Variants in ZNF385D observed in about 807,000 individuals in gnomAD.
ZNF385D encodes zinc finger protein 385D.
In ZNF385D, 15 loss-of-function variants were observed where a neutral mutation model predicts 35.8. That is an observed-to-expected ratio of 0.42 (90% CI 0.28 to 0.64). The LOEUF (loss-of-function observed/expected upper bound fraction) is 0.64. Among genes scored for constraint, ZNF385D ranks in the 30% least tolerant of loss-of-function variants. ZNF385D has a pLI of 0.23. For missense variants in ZNF385D, 474 were observed against 494.6 expected, an observed-to-expected ratio of 0.96 and a Z score of 0.39; for synonymous variants, 212 against 186.8, an observed-to-expected ratio of 1.13 and a Z score of -1.10.
intron 1 of ZNF385D, among the ~76,000 whole-genome samples, chr3:21,709,096 T>C (rs568101477): frequency 1.3e-5 from 2 of 152,278 alleles, no homozygotes; most frequent in Admixed American, 1.3e-4. Context: ...TTTCTTAAAA[T>C]AAAATGCACA....
At chr3:21,506,015 C>A (rs1410009948) in intron 4 of ZNF385D, among the ~76,000 whole-genome samples, 1 of 152,118 alleles carries the variant, frequency 6.6e-6, no homozygotes, top group East Asian at 1.9e-4. Context: ...GGATGGCCAC[C>A]CTGCAGGCTG....
intron 3 of ZNF385D, among the ~76,000 whole-genome samples, chr3:22,069,149 C>T (rs1418443396): frequency 6.6e-6 from 1 of 152,322 alleles, no homozygotes; most frequent in South Asian, 2.1e-4. Flanking sequence ...TAGATTCTCT[C>T]CCAACTAACT....
chr3:22,011,554 T>C (rs1426910543), intron 3 of ZNF385D, among the ~76,000 whole-genome samples: 3 of 152,074 alleles, frequency 2.0e-5, no homozygotes, highest in Non-Finnish European at 4.4e-5. Context: ...CCTTAGAAAT[T>C]TTTCATTTTG....
At chr3:22,347,788 C>T (rs73140289) in intron 2 of ZNF385D, among the ~76,000 whole-genome samples, 7,774 of 152,114 alleles carry the variant, frequency 0.051, 639 homozygotes, top group African/African-American at 0.18. Context: ...CACATTTATA[C>T]AGAACTATAT....
chr3:21,687,982 G>A (rs1268760451), intron 1 of ZNF385D, among the ~76,000 whole-genome samples: 1 of 151,946 alleles, frequency 6.6e-6, no homozygotes, highest in Non-Finnish European at 1.5e-5. Flanking sequence ...GCAAGCTCGA[G>A]CTCCTAAGCT....
chr3:21,666,411 T>TC (rs1318208824), intron 1 of ZNF385D, among the ~76,000 whole-genome samples: 1 of 152,050 alleles, frequency 6.6e-6, no homozygotes, highest in African/African-American at 2.4e-5. Flanking sequence ...AACAGTATTT[T>TC]CCCCCACTGT....
At chr3:21,992,291 G>A (rs1168741155) in intron 3 of ZNF385D, among the ~76,000 whole-genome samples, 2 of 151,958 alleles carry the variant, frequency 1.3e-5, no homozygotes, top group Non-Finnish European at 1.5e-5. Flanking sequence ...GTATCTGAAA[G>A]CCTTCACTAT....
intron 3 of ZNF385D, among the ~76,000 whole-genome samples, chr3:22,006,585 A>T (rs908894498): frequency 1.3e-5 from 2 of 152,228 alleles, no homozygotes; most frequent in South Asian, 4.1e-4. Context: ...AATGGACAAT[A>T]AAGTATCAAA....
chr3:22,082,720 T>A (rs562673414), intron 3 of ZNF385D, among the ~76,000 whole-genome samples: 120 of 152,342 alleles, frequency 7.9e-4, no homozygotes, highest in African/African-American at 2.8e-3. Flanking sequence ...GCATGGTGTT[T>A]GAGCTCGGAG....
At position 22,332,467 on chromosome 3, in the gene ZNF385D, G is replaced by C. The variant is rs901212555; in HGVS notation, c.106+39983C>G. On this transcript the variant is annotated intron_variant, in intron 2 of 5. Coordinates refer to the ZNF385D transcript ENST00000494108. ...TATTTGGTATTGTGAAAGGAAGAAG[G>C]CATGGTGGTTATGAATTATGAGTAG... 9.2e-5 allele frequency among the ~76,000 whole-genome samples: 14 copies of C among 152,204 alleles called. No individual in the cohort carries two copies. The East Asian group carries it at 1.9e-3, about 21-fold the overall frequency.
intron 2 of ZNF385D, among the ~76,000 whole-genome samples, chr3:22,330,595 C>A (rs963126805): frequency 6.6e-6 from 1 of 152,148 alleles, no homozygotes; most frequent in African/African-American, 2.4e-5. Flanking sequence ...GATCACCTAA[C>A]AAAATGCTTC....
intron 3 of ZNF385D, among the ~76,000 whole-genome samples, chr3:21,756,639 C>A (rs1025155252): frequency 6.6e-6 from 1 of 152,148 alleles, no homozygotes; most frequent in Admixed American, 6.5e-5. Context: ...ACACTAAACA[C>A]TGAGTCGTGG....
At chr3:21,588,236 A>G (rs2063869305) in intron 2 of ZNF385D, among the ~76,000 whole-genome samples, 1 of 152,174 alleles carries the variant, frequency 6.6e-6, no homozygotes, top group Non-Finnish European at 1.5e-5. Flanking sequence ...ATAAGGCTTT[A>G]TAGTGGGAGA....
At chr3:21,499,801 T>C (rs1706228643) in intron 4 of ZNF385D, among the ~76,000 whole-genome samples, 1 of 152,128 alleles carries the variant, frequency 6.6e-6, no homozygotes, top group Non-Finnish European at 1.5e-5. Flanking sequence ...ATCACGTAAA[T>C]ATAAAATATT....
rs1217447848 is a variant in ZNF385D, at chr3:21,751,120, A to G, written c.-204T>C. The G allele has an allele frequency of 6.8e-7, 1 of 1,465,812 alleles. No homozygotes were observed. The highest frequency in any genetic ancestry group is 1.4e-5 in the African/African-American group (1 of 70,336). The allele number at this position is 1,465,812 out of a possible 1,614,324, so 90.8% of individuals were successfully genotyped here. ...GGGCTAAGATCCCCGGCGGCTGGAG[A>G]GTGCGCTCGGGCTGCCTGCTGCACT... is the stretch of plus-strand genomic sequence containing the variant. On this transcript the variant is annotated 5_prime_UTR_variant, in exon 1 of 8. Transcript: ENST00000281523.
At chr3:21,798,311 T>C (rs2072244792) in intron 3 of ZNF385D, among the ~76,000 whole-genome samples, 1 of 152,210 alleles carries the variant, frequency 6.6e-6, no homozygotes, top group African/African-American at 2.4e-5. Flanking sequence ...AACTGCTCTC[T>C]CCTGGAGGCT....
At chr3:21,754,955 G>C (rs557478627), upstream of ZNF385D, among the ~76,000 whole-genome samples, 134 of 152,198 alleles carry the variant, frequency 8.8e-4, no homozygotes, top group Non-Finnish European at 1.6e-3. Flanking sequence ...TTTGAGGTTG[G>C]TTGTGTTTTG....
At chr3:22,185,881 T>C (rs188500411) in intron 2 of ZNF385D, among the ~76,000 whole-genome samples, 1 of 152,312 alleles carries the variant, frequency 6.6e-6, no homozygotes, top group East Asian at 1.9e-4. Context: ...GCTGAGTGTA[T>C]TGTACATTTA....
chr3:22,170,995 C>A (rs992287524), intron 2 of ZNF385D, among the ~76,000 whole-genome samples: 1 of 152,132 alleles, frequency 6.6e-6, no homozygotes. Context: ...ATATGAAGCA[C>A]AAACTTGACT....
Sources: allele counts gnomAD v4.1 joint callset (sites outside exome capture counted in the v4.1 genomes callset), GRCh38; gene constraint gnomAD v4.1.1; transcripts MANE v1.5; gene names NCBI Gene and HGNC (gene_info 2026-07-23, HGNC 2026-07-21).